The following EIF2B3 variants were observed in gnomAD, a reference collection of about 807,000 sequenced individuals.
The protein encoded by EIF2B3 is translation initiation factor eIF2B subunit gamma.
Under a neutral mutation model 54.1 loss-of-function variants are expected in EIF2B3, and 20 were observed. The observed-to-expected ratio is 0.37, with a 90% CI of 0.26 to 0.54. The LOEUF (loss-of-function observed/expected upper bound fraction) is 0.54, where lower values mean the gene tolerates loss of function less well. Among genes scored for constraint, EIF2B3 ranks in the 20% least tolerant of loss-of-function variants. EIF2B3 has a pLI of 0.86. For synonymous variants in EIF2B3, 153 were observed against 188.1 expected (o/e 0.81, Z 1.52); for missense variants, 448 against 547.8 (o/e 0.82, Z 1.82).
intron 3 of EIF2B3, among the ~76,000 whole-genome samples, chr1:44,977,393 C>T (rs78809920): frequency 0.011 from 1,713 of 152,194 alleles, 34 homozygotes; most frequent in African/African-American, 0.039. Context: ...AACTGCTCCT[C>T]TGATTTATAC....
intron 3 of EIF2B3, among the ~76,000 whole-genome samples, chr1:44,953,612 G>C (rs973518303): frequency 1.1e-4 from 17 of 152,134 alleles, no homozygotes; most frequent in Admixed American, 1.1e-3. Context: ...AAAACACAAA[G>C]ACTTAGCCAT....
intron 11 of EIF2B3, among the ~76,000 whole-genome samples, chr1:44,851,507 C>A (rs923849980): frequency 3.3e-5 from 5 of 152,110 alleles, no homozygotes; most frequent in Admixed American, 2.0e-4. Context: ...TGTCTATATA[C>A]CTGGCTGTGG....
intron 3 of EIF2B3, among the ~76,000 whole-genome samples, chr1:44,970,798 G>A (rs145844856): frequency 6.6e-6 from 1 of 152,090 alleles, no homozygotes; most frequent in Non-Finnish European, 1.5e-5. Flanking sequence ...ATTTATTTAC[G>A]TTCTTCCAAC....
At chr1:44,904,348 C>G (rs1355589498) in intron 5 of EIF2B3, among the ~76,000 whole-genome samples, 2 of 152,150 alleles carry the variant, frequency 1.3e-5, no homozygotes, top group African/African-American at 4.8e-5. Context: ...AATTCAGATG[C>G]CAGTGGAACT....
In EIF2B3 at chr1:44,879,427, C is replaced by T. The variant is rs543773424; in HGVS notation, c.975+391G>A. On this transcript the variant is annotated intron_variant, in intron 8 of 11. Transcript: ENST00000360403. ...TCTATACTCTGCTCCTTCACCTTCTCAGGGAAGCCTCCTCTGTATGCCTAT... is the reference window on the plus strand; with the variant it reads ...TCTATACTCTGCTCCTTCACCTTCTTAGGGAAGCCTCCTCTGTATGCCTAT... 3.9e-4 allele frequency among the ~76,000 whole-genome samples: 60 copies of T among 152,332 alleles called. No individual in the cohort carries two copies. In the South Asian group the frequency reaches 0.011, roughly 28 times the overall value.
At chr1:44,943,962 C>A (rs559553990) in intron 3 of EIF2B3, among the ~76,000 whole-genome samples, 2 of 151,958 alleles carry the variant, frequency 1.3e-5, no homozygotes, top group East Asian at 4.0e-4. Flanking sequence ...CTGAGCAACA[C>A]AGTGAAACCC....
chr1:44,853,791 A>G (rs1157323027), intron 11 of EIF2B3, among the ~76,000 whole-genome samples: 1 of 152,090 alleles, frequency 6.6e-6, no homozygotes, highest in Admixed American at 6.5e-5. Flanking sequence ...ATCACAAATA[A>G]AAGGTGCACT....
At chr1:44,853,157 T>C (rs370960439) in intron 11 of EIF2B3, among the ~76,000 whole-genome samples, 2 of 151,972 alleles carry the variant, frequency 1.3e-5, no homozygotes, top group South Asian at 4.1e-4. Context: ...AGAAGAGCTA[T>C]AGAAAACTTT....
rs115823656 is a variant in EIF2B3, at chr1:44,916,853, A to C, written c.566+9775T>G. On this transcript the variant is annotated intron_variant, in intron 5 of 11. Transcript: ENST00000360403. Reference sequence around the variant, plus strand: ...AAAGAAAAGGAAGGGCTCAGGGCTCATATGTCATAAGTCTTTTCATGCCTG... The same window carrying C: ...AAAGAAAAGGAAGGGCTCAGGGCTCCTATGTCATAAGTCTTTTCATGCCTG... Among the ~76,000 whole-genome samples the C allele has an allele frequency of 9.8e-3, 1,491 of 151,372 alleles. 24 individuals carry two copies. The highest frequency in any genetic ancestry group is 0.034 in the African/African-American group (1,411 of 41,356).
intron 10 of EIF2B3, among the ~76,000 whole-genome samples, chr1:44,860,192 C>T (rs1029401924): frequency 2.0e-5 from 3 of 152,066 alleles, no homozygotes; most frequent in African/African-American, 7.2e-5. Flanking sequence ...CTTTGTCACC[C>T]AGGCTGGAGT....
chr1:44,889,775 T>C lies in EIF2B3; in HGVS notation c.656+7580A>G, dbSNP rs543422334. ...AATTCCTGACCTCCAGTGATCCACC[T>C]GCCTTGGCCTCCCAAAGTGCTGGGA... On this transcript the variant is annotated intron_variant, in intron 6 of 11. Transcript: ENST00000360403. Among the ~76,000 whole-genome samples, 576 of 152,152 alleles carry C rather than the reference T, an allele frequency of 3.8e-3. 2 individuals carry two copies. Among genetic ancestry groups the C allele is most frequent in the Non-Finnish European group, 6.9e-3 (466 of 68,004 alleles).
intron 11 of EIF2B3, among the ~76,000 whole-genome samples, chr1:44,854,093 C>T (rs12724899): frequency 6.6e-6 from 1 of 151,020 alleles, no homozygotes; most frequent in Non-Finnish European, 1.5e-5. Context: ...ACCTCCGCCT[C>T]CCAGGTTCAA....
chr1:44,873,510 T>C (rs1428806815), intron 10 of EIF2B3, among the ~76,000 whole-genome samples: 1 of 152,198 alleles, frequency 6.6e-6, no homozygotes, highest in Non-Finnish European at 1.5e-5. Flanking sequence ...TGGCCAGTAG[T>C]CAGGTTTATT....
In EIF2B3 at chr1:44,897,380, T is replaced by C. The variant is rs2148914549; in HGVS notation, c.631A>G (p.Ile211Val). 1.2e-6 allele frequency: 2 copies of C among 1,613,754 alleles called. No individual in the cohort carries two copies. The highest frequency in any genetic ancestry group is 1.1e-5 in the South Asian group (1 of 91,060). ...CCATTTTCCATTAGGAAATCCACGATGTATTTTTTCAAACAGTAGAGGTGG... is the reference window on the plus strand; with the variant it reads ...CCATTTTCCATTAGGAAATCCACGACGTATTTTTTCAAACAGTAGAGGTGG... ...DAHLYCLKKYIVDFLMENGSI... is the reference protein window; with the variant it reads ...DAHLYCLKKYVVDFLMENGSI... Residue 211 changes from isoleucine to valine, a missense_variant, in exon 6 of 12, where the codon ATC becomes GTC. Transcript: ENST00000360403.
chr1:44,851,032 G>T, intron 11 of EIF2B3, 29 bp from the exon 12 acceptor site: 1 of 1,609,932 alleles, frequency 6.2e-7, no homozygotes. Context: ...AAAGTTTTCT[G>T]AGAACTGGCA....
Position 44,939,610 on chromosome 1 carries a change from A to G in EIF2B3, c.454+1896T>C, listed in dbSNP as rs568397565. Among the ~76,000 whole-genome samples, 7 of 152,276 alleles carry G rather than the reference A, an allele frequency of 4.6e-5. No homozygotes were observed. In the East Asian group the frequency reaches 1.2e-3, roughly 25 times the overall value. On this transcript the variant is annotated intron_variant, in intron 4 of 11. Coordinates refer to ENST00000360403, the MANE Select transcript of EIF2B3 (RefSeq NM_020365.5). ...TTCCACATTGTATACATAAATTATA[A>G]CATCGCTTTGTATCCCATAAATTTA...
chr1:44,902,937 G>A (rs1643343023), intron 5 of EIF2B3, among the ~76,000 whole-genome samples: 1 of 149,544 alleles, frequency 6.7e-6, no homozygotes, highest in South Asian at 2.1e-4. Flanking sequence ...AGCTGTACCC[G>A]TGTTTCAATA....
At chr1:44,952,199 G>A (rs1644171707) in intron 3 of EIF2B3, among the ~76,000 whole-genome samples, 4 of 132,982 alleles carry the variant, frequency 3.0e-5, no homozygotes, top group South Asian at 2.4e-4. Flanking sequence ...TCCTGACCTC[G>A]TGATCCGCCC....
chr1:44,889,038 C>A (rs1557672110), intron 6 of EIF2B3, among the ~76,000 whole-genome samples: 1 of 152,214 alleles, frequency 6.6e-6, no homozygotes, highest in Non-Finnish European at 1.5e-5. Context: ...GCCCTGGGTT[C>A]AATTCCTGGC....
Sources: allele counts gnomAD v4.1 joint callset (sites outside exome capture counted in the v4.1 genomes callset), GRCh38; gene constraint gnomAD v4.1.1; transcripts MANE v1.5; gene names NCBI Gene and HGNC (gene_info 2026-07-23, HGNC 2026-07-21).